The following NTM variants were observed in gnomAD, a reference collection of about 807,000 sequenced individuals.
NTM encodes neurotrimin.
A neutral mutation model predicts 42.1 loss-of-function variants in NTM; 13 were observed. The ratio of observed to expected loss-of-function variants is 0.31; its 90% CI spans 0.20 to 0.49. The LOEUF is 0.49. Among genes scored for constraint, NTM ranks in the 20% least tolerant of loss-of-function variants. The pLI, the probability that NTM is intolerant of heterozygous loss-of-function variation, is 0.99. For synonymous variants in NTM, 187 were observed against 179.2 expected, an observed-to-expected ratio of 1.04 and a Z score of -0.35; for missense variants, 373 against 452.8, an observed-to-expected ratio of 0.82 and a Z score of 1.60.
In NTM at chr11:132,204,714, G is replaced by C. The variant is rs372102161; in HGVS notation, c.401-7308G>C. Among the ~76,000 whole-genome samples, 31 of 152,222 alleles carry C rather than the reference G, an allele frequency of 2.0e-4. 1 individual carries two copies. Among genetic ancestry groups the C allele is most frequent in the African/African-American group, 7.0e-4 (29 of 41,554 alleles). The stretch of plus-strand genomic sequence containing the variant: ...GGAGGCGGCATCCAGAGTGTGCAAG[G>C]CCTTTGAGACCAAAGAAGGAGTTTG... On this transcript the variant is annotated intron_variant, in intron 3 of 8. Coordinates refer to ENST00000683400, the MANE Select transcript of NTM (RefSeq NM_001352005.2).
chr11:131,682,364 A>G (rs544601397), intron 1 of NTM, among the ~76,000 whole-genome samples: 2 of 152,306 alleles, frequency 1.3e-5, no homozygotes, highest in African/African-American at 4.8e-5. Flanking sequence ...TGCAGGCCAC[A>G]GGGGGTGTTC....
intron 1 of NTM, among the ~76,000 whole-genome samples, chr11:131,829,872 T>C (rs1478185940): frequency 6.6e-6 from 1 of 152,190 alleles, no homozygotes; most frequent in African/African-American, 2.4e-5. Flanking sequence ...TAATAGCCAC[T>C]CTGACCAGTG....
At chr11:131,868,057 A>G (rs2047402949) in intron 1 of NTM, among the ~76,000 whole-genome samples, 1 of 152,176 alleles carries the variant, frequency 6.6e-6, no homozygotes, top group Non-Finnish European at 1.5e-5. Flanking sequence ...ATTGAATTGC[A>G]GGTGGAAACT....
chr11:132,129,085 G>T (rs2137047939), intron 2 of NTM, among the ~76,000 whole-genome samples: 1 of 152,198 alleles, frequency 6.6e-6, no homozygotes, highest in Non-Finnish European at 1.5e-5. Flanking sequence ...AAGTGCCGCT[G>T]GAAAAGTGTA....
At chr11:131,724,260 C>T (rs1469220713) in intron 1 of NTM, among the ~76,000 whole-genome samples, 1 of 152,116 alleles carries the variant, frequency 6.6e-6, no homozygotes, top group Non-Finnish European at 1.5e-5. Flanking sequence ...GGAGGCTTCT[C>T]TCTTTGTCTG....
intron 1 of NTM, among the ~76,000 whole-genome samples, chr11:131,665,365 T>C (rs1322404465): frequency 5.3e-5 from 8 of 152,256 alleles, no homozygotes; most frequent in Non-Finnish European, 1.0e-4. Flanking sequence ...GTTTGGTCAC[T>C]GTTATGAGCT....
intron 1 of NTM, among the ~76,000 whole-genome samples, chr11:131,625,790 A>G (rs1363968167): frequency 6.6e-6 from 1 of 152,172 alleles, no homozygotes; most frequent in East Asian, 1.9e-4. Context: ...TGCCTGCTTT[A>G]CAACTCACAT....
At chr11:132,334,257 A>G (rs910132365) in intron 8 of NTM, among the ~76,000 whole-genome samples, 3 of 152,240 alleles carry the variant, frequency 2.0e-5, no homozygotes, top group Admixed American at 6.5e-5. Flanking sequence ...ACTGCCTTGC[A>G]GTTCTCCTGC....
At chr11:131,607,161 G>A (rs574306244) in intron 1 of NTM, among the ~76,000 whole-genome samples, 2 of 152,334 alleles carry the variant, frequency 1.3e-5, no homozygotes, top group East Asian at 3.9e-4. Context: ...CTTGCGACCA[G>A]CCAGGAGCTG....
chr11:132,092,763 C>T (rs1002204143), intron 2 of NTM, among the ~76,000 whole-genome samples: 1 of 152,230 alleles, frequency 6.6e-6, no homozygotes, highest in African/African-American at 2.4e-5. Flanking sequence ...ATCTTTTCCT[C>T]AAGCTCAGTT....
intron 2 of NTM, among the ~76,000 whole-genome samples, chr11:132,130,593 G>A (rs112691167): frequency 2.6e-5 from 4 of 152,258 alleles, no homozygotes; most frequent in South Asian, 2.1e-4. Flanking sequence ...TGCATGTATC[G>A]TATTTTAGTA....
chr11:132,049,375 G>A (rs1055011754), intron 2 of NTM, among the ~76,000 whole-genome samples: 3 of 152,142 alleles, frequency 2.0e-5, no homozygotes, highest in Admixed American at 6.5e-5. Context: ...GGGGCTGGCC[G>A]CACCTGAGGA....
At chr11:132,328,401 C>G (rs2095729694) in intron 7 of NTM, among the ~76,000 whole-genome samples, 1 of 152,030 alleles carries the variant, frequency 6.6e-6, no homozygotes, top group Non-Finnish European at 1.5e-5. Flanking sequence ...AAAGAGTTGG[C>G]CATCTTTCAA....
At chr11:131,418,241 G>A (rs1242340539) in intron 1 of NTM, among the ~76,000 whole-genome samples, 1 of 152,194 alleles carries the variant, frequency 6.6e-6, no homozygotes, top group South Asian at 2.1e-4. Flanking sequence ...AGCTCACTAG[G>A]AAGCTGGTAT....
chr11:131,412,661 A>G (rs568298885), intron 1 of NTM, among the ~76,000 whole-genome samples: 8 of 152,260 alleles, frequency 5.3e-5, no homozygotes, highest in Admixed American at 3.9e-4. Context: ...TATTGATGGC[A>G]CTCGTATCTC....
At chr11:132,314,841 G>A (rs1309425215) in intron 7 of NTM, 138 bp downstream of exon 7, 1 of 1,395,722 alleles carries the variant, frequency 7.2e-7, no homozygotes, top group Non-Finnish European at 9.3e-7. Flanking sequence ...AAAAAAGAGA[G>A]AGACACAGAA....
intron 2 of NTM, among the ~76,000 whole-genome samples, chr11:131,984,855 A>C (rs923915625): frequency 6.6e-6 from 1 of 152,192 alleles, no homozygotes; most frequent in African/African-American, 2.4e-5. Context: ...TTCTTCTCTT[A>C]ATGTGGATAC....
chr11:132,180,602 C>T (rs1470233345), intron 3 of NTM, among the ~76,000 whole-genome samples: 3 of 152,000 alleles, frequency 2.0e-5, no homozygotes, highest in Non-Finnish European at 2.9e-5. Context: ...ACCAACCAAC[C>T]GAACAAAAAA....
chr11:131,873,670 T>C (rs1336662020), intron 1 of NTM, among the ~76,000 whole-genome samples: 2 of 112,856 alleles, frequency 1.8e-5, no homozygotes, highest in Non-Finnish European at 4.0e-5. Context: ...TATACACATA[T>C]ATATATACAC....
Sources: gnomAD v4.1 joint callset for allele counts (sites outside exome capture counted in the v4.1 genomes callset) on GRCh38, gnomAD v4.1.1 for gene constraint, MANE v1.5 for transcripts, NCBI Gene and HGNC (gene_info 2026-07-23, HGNC 2026-07-21) for gene names.